Variants in GRIK4 observed in about 807,000 individuals in gnomAD.
GRIK4 encodes the protein glutamate ionotropic receptor kainate type subunit 4.
In GRIK4, 40 loss-of-function variants were observed where a neutral mutation model predicts 104.9. The observed-to-expected ratio is 0.38, with a 90% confidence interval of 0.30 to 0.50. The LOEUF (loss-of-function observed/expected upper bound fraction) is 0.50. Ranked by LOEUF, GRIK4 falls within the 20% of genes least tolerant of loss-of-function variation. The probability of loss-of-function intolerance (pLI) is 0.93; values close to 1 mark genes in which losing one functional copy is unlikely to be tolerated. For missense variants in GRIK4, 1,047 were observed against 1,308.1 expected (o/e 0.80, Z 3.08); for synonymous variants, 485 against 524.9 (o/e 0.92, Z 1.04).
chr11:120,658,806 TGGCACGATCTC>T (rs941326165), intron 2 of GRIK4, among the ~76,000 whole-genome samples: 3 of 127,338 alleles, frequency 2.4e-5, no homozygotes, highest in African/African-American at 8.4e-5. Context: ...TGCAGTGCAG[TGGCACGATCTC>T]GGCTCACTGC....
intron 3 of GRIK4, among the ~76,000 whole-genome samples, chr11:120,705,003 A>G (rs1950606350): frequency 1.3e-5 from 2 of 152,206 alleles, no homozygotes; most frequent in Admixed American, 1.3e-4. Flanking sequence ...TTAATTGGCC[A>G]TAGATGTTTC....
chr11:120,786,479 C>G (rs1021841467), intron 3 of GRIK4, among the ~76,000 whole-genome samples: 1 of 152,208 alleles, frequency 6.6e-6, no homozygotes, highest in Non-Finnish European at 1.5e-5. Flanking sequence ...AAGGCCCAGT[C>G]CATCACCCTC....
At chr11:120,584,602 A>G (rs1248486125) in intron 1 of GRIK4, among the ~76,000 whole-genome samples, 1 of 152,180 alleles carries the variant, frequency 6.6e-6, no homozygotes, top group South Asian at 2.1e-4. Context: ...ACCAAACCAC[A>G]AGGGATCCAC....
At chr11:120,573,980 G>C (rs1948440452) in intron 1 of GRIK4, among the ~76,000 whole-genome samples, 1 of 152,196 alleles carries the variant, frequency 6.6e-6, no homozygotes, top group South Asian at 2.1e-4. Flanking sequence ...TGCTACCCAA[G>C]GAGGGCCTTA....
chr11:120,860,493 A>G (rs1003174746), intron 8 of GRIK4, among the ~76,000 whole-genome samples: 1 of 152,080 alleles, frequency 6.6e-6, no homozygotes, highest in Non-Finnish European at 1.5e-5. Flanking sequence ...AACTCCTTTG[A>G]GCTTCTAAAT....
chr11:120,974,531 A>G (rs2134774498), intron 19 of GRIK4, among the ~76,000 whole-genome samples: 1 of 152,304 alleles, frequency 6.6e-6, no homozygotes, highest in Admixed American at 6.5e-5. Flanking sequence ...TTGTTATCCT[A>G]TTAAAATTCG....
At chr11:120,538,494 C>G (rs1266576607) in intron 1 of GRIK4, among the ~76,000 whole-genome samples, 1 of 152,254 alleles carries the variant, frequency 6.6e-6, no homozygotes, top group Non-Finnish European at 1.5e-5. Context: ...AAGCAGATTT[C>G]CCTTTCCTTT....
intron 9 of GRIK4, chr11:120,872,210 A>G (rs967668295): frequency 6.5e-6 from 2 of 308,280 alleles, no homozygotes; most frequent in Admixed American, 8.7e-5. Flanking sequence ...CTTCTCTTTT[A>G]CAGGTAACAG....
intron 10 of GRIK4, 55 bp from the exon 11 acceptor site, chr11:120,875,084 G>A: frequency 9.0e-7 from 1 of 1,110,268 alleles, no homozygotes; most frequent in Non-Finnish European, 1.4e-6. Flanking sequence ...TCTTGCTTGG[G>A]GGCAAGTGTA....
At chr11:120,771,146 G>C (rs946684468) in intron 3 of GRIK4, among the ~76,000 whole-genome samples, 1 of 152,166 alleles carries the variant, frequency 6.6e-6, no homozygotes, top group Admixed American at 6.5e-5. Flanking sequence ...ACTGTTAAGG[G>C]TGATCCTGAT....
intron 1 of GRIK4, among the ~76,000 whole-genome samples, chr11:120,610,763 A>G (rs1949026940): frequency 6.6e-6 from 1 of 152,156 alleles, no homozygotes; most frequent in African/African-American, 2.4e-5. Flanking sequence ...CAGTGTCTTG[A>G]GCTTCAGGAA....
At chr11:120,660,060 T>C (rs959520394) in intron 2 of GRIK4, among the ~76,000 whole-genome samples, 3 of 152,218 alleles carry the variant, frequency 2.0e-5, no homozygotes, top group African/African-American at 7.2e-5. Flanking sequence ...TCATTTCTAA[T>C]GACACGCCAT....
intron 3 of GRIK4, among the ~76,000 whole-genome samples, chr11:120,665,587 G>T (rs1331861633): frequency 1.3e-5 from 2 of 152,178 alleles, no homozygotes; most frequent in East Asian, 3.8e-4. Context: ...TGAATTCACT[G>T]TGGCAAGATC....
At chr11:120,792,596 T>A (rs1314683587) in intron 3 of GRIK4, among the ~76,000 whole-genome samples, 1 of 151,814 alleles carries the variant, frequency 6.6e-6, no homozygotes, top group African/African-American at 2.4e-5. Context: ...TGGAAAGAAG[T>A]GGACTGGTTT....
intron 1 of GRIK4, among the ~76,000 whole-genome samples, chr11:120,594,872 T>C (rs1048149691): frequency 6.6e-6 from 1 of 152,178 alleles, no homozygotes; most frequent in Non-Finnish European, 1.5e-5. Flanking sequence ...GCTGCCCTCA[T>C]ACGAGAGTGA....
chr11:120,981,908 C>T (rs1944658558), intron 19 of GRIK4, among the ~76,000 whole-genome samples, 198 bp from the exon 20 acceptor site: 1 of 152,156 alleles, frequency 6.6e-6, no homozygotes, highest in Non-Finnish European at 1.5e-5. Flanking sequence ...TTTATTTCAA[C>T]TATGCTGCAT....
chr11:120,802,399 A>ATGCCTGGACCCGGGGACTT (rs1952636479), intron 3 of GRIK4, among the ~76,000 whole-genome samples: 1 of 152,318 alleles, frequency 6.6e-6, no homozygotes, highest in African/African-American at 2.4e-5. Context: ...AAGTATCAGG[A>ATGCCTGGACCCGGGGACTT]TGCCTGGACC....
intron 1 of GRIK4, among the ~76,000 whole-genome samples, chr11:120,548,597 A>T (rs1455875273): frequency 6.6e-6 from 1 of 151,968 alleles, no homozygotes; most frequent in Admixed American, 6.5e-5. Context: ...GGGTTTTAAG[A>T]GAGTGAATGG....
chr11:120,798,736 C>T (rs1952569583), intron 3 of GRIK4, among the ~76,000 whole-genome samples: 1 of 152,192 alleles, frequency 6.6e-6, no homozygotes, highest in Admixed American at 6.5e-5. Flanking sequence ...CCCGCCTCGG[C>T]CTCCCAAAGT....
Sources: gnomAD v4.1 joint callset for allele counts (sites outside exome capture counted in the v4.1 genomes callset) on GRCh38, gnomAD v4.1.1 for gene constraint, MANE v1.5 for transcripts, NCBI Gene and HGNC (gene_info 2026-07-23, HGNC 2026-07-21) for gene names.